The following BAZ2A variants were observed in gnomAD, a reference collection of about 807,000 sequenced individuals.
The protein encoded by BAZ2A is bromodomain adjacent to zinc finger domain protein 2A.
BAZ2A carries 34 observed loss-of-function variants against 199.9 expected under a neutral mutation model. That is an observed-to-expected ratio of 0.17 (90% confidence interval 0.13 to 0.23). BAZ2A has a LOEUF of 0.23. Ranked by LOEUF, BAZ2A falls within the 10% of genes least tolerant of loss-of-function variation. The probability of loss-of-function intolerance (pLI) is 1.00; values close to 1 mark genes in which losing one functional copy is unlikely to be tolerated. For synonymous variants in BAZ2A, 857 were observed against 883.9 expected (o/e 0.97, Z 0.54); for missense variants, 2,002 against 2,391.1 (o/e 0.84, Z 3.39).
At chr12:56,622,191 T>G (rs1279334096) in intron 1 of BAZ2A, among the ~76,000 whole-genome samples, 1 of 151,874 alleles carries the variant, frequency 6.6e-6, no homozygotes, top group African/African-American at 2.4e-5. Flanking sequence ...TTACAAAAAA[T>G]TAGCTGGGCG....
rs1041697243 is a variant in BAZ2A at position 56,613,197 on chromosome 12, G to A, written c.953C>T (p.Thr318Met). 11 of 1,613,856 alleles carry A rather than the reference G, an allele frequency of 6.8e-6. No homozygotes were observed. The highest frequency in any genetic ancestry group is 9.3e-6 in the Non-Finnish European group (11 of 1,179,894). Residue 318 changes from threonine to methionine, a missense_variant, in exon 5 of 29, where the codon ACG becomes ATG. Transcript: ENST00000549884. ...CTTGTCCTCTGCACCCATCAGCTCC[G>A]TGTCATCAATACCATATAGTCCTCC... ...VSGGLYGIDD[T>M]ELMGAEDKLP...
intron 9 of BAZ2A, 65 bp from the exon 10 acceptor site, chr12:56,610,011 C>T: frequency 3.1e-6 from 5 of 1,601,708 alleles, no homozygotes; most frequent in East Asian, 2.2e-5. Context: ...GCCCTCGGAA[C>T]CATTCAATGC....
At chr12:56,630,083 G>C (rs932067304) in intron 1 of BAZ2A, 42 bp downstream of exon 1, 96 of 952,244 alleles carry the variant, frequency 1.0e-4, no homozygotes, top group Non-Finnish European at 1.2e-4. Context: ...ATGAAAGCGG[G>C]GCTCCCTCCC....
intron 10 of BAZ2A, 47 bp downstream of exon 10, chr12:56,609,689 T>C (rs374478821): frequency 8.4e-6 from 13 of 1,552,774 alleles, no homozygotes; most frequent in Non-Finnish European, 1.1e-5. Context: ...ACATTTTAGA[T>C]ACCTCATGGA....
rs1030677899 is a variant in BAZ2A, at chr12:56,610,046, AG to A, written c.1881+67del. 6 of 1,601,952 alleles carry A rather than the reference AG, an allele frequency of 3.7e-6. No homozygotes were observed. In the African/African-American group the frequency reaches 8.0e-5, roughly 21 times the overall value. On this transcript the variant is annotated intron_variant, in intron 9 of 28. Coordinates refer to ENST00000549884, the MANE Select transcript of BAZ2A (RefSeq NM_001300905.2). ...CCCCAGAACCTTCAAACCCCACGAG[AG>A]GAAGCTGCAGCTTGTCCACCAACTC...
At chr12:56,628,937 G>A (rs1042794853) in intron 1 of BAZ2A, among the ~76,000 whole-genome samples, 16 of 151,732 alleles carry the variant, frequency 1.1e-4, no homozygotes, top group Admixed American at 8.5e-4. Flanking sequence ...AAAACAAAAC[G>A]AAACCAGACA....
In BAZ2A at chr12:56,599,695, G is replaced by A. The variant is rs1334403038; in HGVS notation, c.5172+7C>T. 6.2e-7 allele frequency: 1 copy of A among 1,613,180 alleles called. No individual in the cohort carries two copies. The highest frequency in any genetic ancestry group is 1.1e-5 in the South Asian group (1 of 91,028). ...TGAGTGTGGGAAAGAAAGAGCAGAAGCCTTACCTGAGCCAAACAGACAGTA... is the reference window on the plus strand; with the variant it reads ...TGAGTGTGGGAAAGAAAGAGCAGAAACCTTACCTGAGCCAAACAGACAGTA... On this transcript the variant is annotated splice_region_variant and intron_variant, in intron 26 of 28. Transcript: ENST00000549884.
In BAZ2A at chr12:56,610,500, C is replaced by A. The variant is rs376931482; in HGVS notation, c.1688G>T (p.Arg563Leu). Residue 563 changes from arginine (R) to leucine (L), a missense_variant, in exon 8 of 29, where the codon CGC becomes CTC. By Grantham distance (102) the Arg-to-Leu change is moderately radical. Around this residue, in one of 6 missense-constraint regions of BAZ2A, gnomAD observed 641 missense variants for 694.5 expected, o/e 0.92. Transcript: ENST00000549884. ...CCATCGGTGGCTGCCCTTCTTGATG[C>A]GCACCTCTCTCCGCCACCTGCCAGA... ...PLQHGWRREV[R>L]IKKGSHRWQG... 6.2e-7 allele frequency: 1 copy of A among 1,612,228 alleles called. No individual in the cohort carries two copies. Among genetic ancestry groups the A allele is most frequent in the South Asian group, 1.1e-5 (1 of 90,662 alleles).
rs1885809226 is a variant in BAZ2A, at chr12:56,596,188, C to T, written c.*2430G>A. On this transcript the variant is annotated 3_prime_UTR_variant, in exon 29 of 29. Transcript: ENST00000549884. ...AGTCCCTTTTGCTGTAAAAGGAACA[C>T]AGAAACTTGTTGGTGTTGATGGTGT... The T allele has an allele frequency of 6.5e-6, 1 of 152,728 alleles. No individual in the cohort carries two copies. The highest frequency in any genetic ancestry group is 2.4e-5 in the African/African-American group (1 of 41,474). 9.5% of individuals were successfully genotyped at this position (152,728 alleles called of 1,614,324 possible). A position where few individuals can be genotyped will look rare whatever the true frequency, so the allele number is the denominator to read the frequency against.
chr12:56,625,150 ATTTC>A (rs1371273782), intron 1 of BAZ2A, among the ~76,000 whole-genome samples: 1 of 137,256 alleles, frequency 7.3e-6, no homozygotes, highest in Non-Finnish European at 1.6e-5. Flanking sequence ...GTTTCTTAGA[ATTTC>A]TTTTTTTTTT....
chr12:56,615,469 T>C lies in BAZ2A; in HGVS notation c.275A>G (p.Asn92Ser), dbSNP rs1950687283. Residue 92 changes from asparagine to serine, a missense_variant, in exon 3 of 29, where the codon AAC becomes AGC. Coordinates refer to ENST00000549884, the MANE Select transcript of BAZ2A (RefSeq NM_001300905.2). ...HPSVAYDCLW[N>S]YSQYPSANPG... ...ATTGGCAGATGGGTACTGTGAGTAG[T>C]TCCAGAGACAGTCGTAGGCCACGCT... is the stretch of plus-strand genomic sequence containing the variant. The C allele has an allele frequency of 2.5e-6, 4 of 1,612,898 alleles. 1 individual carries two copies. The South Asian group carries it at 4.4e-5, about 18-fold the overall frequency.
chr12:56,601,233 T>C lies in BAZ2A; in HGVS notation c.4241A>G (p.Lys1414Arg). The C allele has an allele frequency of 6.2e-7, 1 of 1,614,022 alleles. No homozygotes were observed. Among genetic ancestry groups the C allele is most frequent in the Non-Finnish European group, 8.5e-7 (1 of 1,179,890 alleles). ...GGTTAGGTAACGCTGTTCCATCTGT[T>C]TGAAGAACTTACTGGGAGGTCTCCC... ...RRGRPPSKFF[K>R]QMEQRYLTQL... Residue 1414 changes from lysine to arginine, a missense_variant, in exon 21 of 29, where the codon AAA becomes AGA. Lys to Arg is a conservative substitution (Grantham distance 26, BLOSUM62 2). Transcript: ENST00000549884.
At chr12:56,634,804 G>T, upstream of BAZ2A, 2 of 747,984 alleles carry the variant, frequency 2.7e-6, no homozygotes, top group Admixed American at 6.3e-5. Flanking sequence ...CGAGTAGATA[G>T]TTCAGGGGAG....
At chr12:56,638,312 A>G, upstream of BAZ2A, 1 of 1,611,028 alleles carries the variant, frequency 6.2e-7, no homozygotes, top group Non-Finnish European at 8.5e-7. Context: ...AGTACAGAGG[A>G]CAAAGACCCC....
At chr12:56,628,177 CAA>C (rs57372528) in intron 1 of BAZ2A, among the ~76,000 whole-genome samples, 3 of 28,392 alleles carry the variant, frequency 1.1e-4, no homozygotes, top group Non-Finnish European at 2.1e-4. Context: ...AACTCCGTCT[CAA>C]AAAAAAAAAA....
chr12:56,605,622 A>AT (rs1950321798), intron 13 of BAZ2A: 1 of 641,958 alleles, frequency 1.6e-6, no homozygotes, highest in African/African-American at 1.8e-5. Context: ...AGGTCTCGCC[A>AT]TGTTGCCCAG....
chr12:56,609,653 G>A (rs903544664), intron 10 of BAZ2A, 83 bp downstream of exon 10: 1 of 1,383,828 alleles, frequency 7.2e-7, no homozygotes, highest in African/African-American at 1.4e-5. Context: ...ACACTCCTGG[G>A]AAATCCAGGT....
At position 56,597,520 on chromosome 12, in the gene BAZ2A, A is replaced by G. The variant is rs1183899509; in HGVS notation, c.*1098T>C. 1 of 151,038 alleles carries G rather than the reference A, an allele frequency of 6.6e-6. No individual in the cohort carries two copies. Among genetic ancestry groups the G allele is most frequent in the Non-Finnish European group, 1.5e-5 (1 of 67,790 alleles). The allele number at this position is 151,038 out of a possible 1,614,324, so 9.4% of individuals were successfully genotyped here. On this transcript the variant is annotated 3_prime_UTR_variant, in exon 29 of 29. Transcript: ENST00000549884. The stretch of plus-strand genomic sequence containing the variant: ...TGGGAATGAAAACAGGTACTTGGGG[A>G]AACTGAATGGATCCTATCAAACAAT...
In BAZ2A at chr12:56,610,640, A is replaced by G. The variant is rs1477100129; in HGVS notation, c.1671-123T>C. ...CATTTGTATCTCTAGAACTGCATGC[A>G]GATGCAAAAGCACCAAGAGAGATAA... On this transcript the variant is annotated intron_variant, in intron 7 of 28. Coordinates refer to ENST00000549884, the MANE Select transcript of BAZ2A (RefSeq NM_001300905.2). 1.1e-4 allele frequency: 86 copies of G among 795,550 alleles called. 1 individual carries two copies. In the Admixed American group the frequency reaches 2.1e-3, roughly 19 times the overall value. The allele number at this position is 795,550 out of a possible 1,614,324, so 49.3% of individuals were successfully genotyped here.
Sources: allele counts gnomAD v4.1 joint callset (sites outside exome capture counted in the v4.1 genomes callset), GRCh38; gene constraint gnomAD v4.1.1; regional missense constraint gnomAD v4.1.1; transcripts MANE v1.5; gene names NCBI Gene and HGNC (gene_info 2026-07-23, HGNC 2026-07-21).